Variants in IQSEC1 observed in about 807,000 individuals in gnomAD.
The protein encoded by IQSEC1 is IQ motif and Sec7 domain ArfGEF 1, also known as IQ motif and SEC7 domain-containing protein 1.
IQSEC1 carries 31 observed loss-of-function variants against 91.0 expected under a neutral mutation model. That is an observed-to-expected ratio of 0.34 (90% CI 0.26 to 0.46). The LOEUF is 0.46. IQSEC1 is among the 20% of genes least tolerant of loss of function. The probability of loss-of-function intolerance (pLI) is 1.00; values close to 1 mark genes in which losing one functional copy is unlikely to be tolerated. For missense variants in IQSEC1, 1,388 were observed against 1,575.6 expected (o/e 0.88, Z 2.02); for synonymous variants, 699 against 662.6 (o/e 1.05, Z -0.84).
rs1450540217 is a variant in IQSEC1 at position 12,994,179 on chromosome 3, G to A, written c.24-52314C>T. On this transcript the variant is annotated intron_variant, in intron 1 of 13. Coordinates refer to ENST00000613206, the MANE Select transcript of IQSEC1 (RefSeq NM_001134382.3). The surrounding 1 kb of genome is among the most constrained non-coding windows in gnomAD (Gnocchi z 4.5). ...CGGGCGCGGGGGGGCGGGGGCGGGC[G>A]CTCGGGAGCCGGAGCCGGAGCCCGA... Among the ~76,000 whole-genome samples the A allele has an allele frequency of 6.8e-6, 1 of 146,618 alleles. No homozygotes were observed. The highest frequency in any genetic ancestry group is 1.5e-5 in the Non-Finnish European group (1 of 65,964).
rs547708715 is a variant in IQSEC1 at position 13,260,383 on chromosome 3, A to G, written c.272+22328T>C. Among the ~76,000 whole-genome samples, 20 of 152,306 alleles carry G rather than the reference A, an allele frequency of 1.3e-4. 2 individuals carry two copies. In the East Asian group the frequency reaches 3.5e-3, roughly 26 times the overall value. ...TGCAGTGATGCAGAAACGCAGATCA[A>G]TACACGACGGGCTGATGTGCAACAC... On this transcript the variant is annotated intron_variant, in intron 1 of 15. Transcript: ENST00000648114.
intron 1 of IQSEC1, among the ~76,000 whole-genome samples, chr3:13,004,194 A>G (rs982436048): frequency 6.6e-6 from 1 of 152,206 alleles, no homozygotes; most frequent in Non-Finnish European, 1.5e-5. Flanking sequence ...CCTGCTCATC[A>G]TGTCTGTTGC....
rs917715017 is a variant in IQSEC1 at position 13,120,465 on chromosome 3, A to T, written c.302+43639T>A. 6.6e-5 allele frequency among the ~76,000 whole-genome samples: 10 copies of T among 152,300 alleles called. No homozygotes were observed. The South Asian group carries it at 2.1e-3, about 32-fold the overall frequency. On this transcript the variant is annotated intron_variant, in intron 2 of 15. Transcript: ENST00000648114. ...TGCTGCCCGCAAGCTGTGTGCCCTCAGTCAGGAAAGTAACCTCTCTGGGCT... is the reference window on the plus strand; with the variant it reads ...TGCTGCCCGCAAGCTGTGTGCCCTCTGTCAGGAAAGTAACCTCTCTGGGCT...
intron 1 of IQSEC1, among the ~76,000 whole-genome samples, chr3:13,188,786 T>G (rs1474455477): frequency 2.0e-5 from 3 of 152,122 alleles, no homozygotes; most frequent in Admixed American, 6.5e-5. Context: ...AAAAGCCAAC[T>G]AGAGGGAAGC....
chr3:13,020,286 A>G (rs1300172222), intron 1 of IQSEC1, among the ~76,000 whole-genome samples: 2 of 152,058 alleles, frequency 1.3e-5, no homozygotes, highest in Non-Finnish European at 2.9e-5. Flanking sequence ...GCAGCCGCTG[A>G]CTCACTCCAG....
chr3:13,023,718 C>T (rs1319106184), intron 1 of IQSEC1, among the ~76,000 whole-genome samples: 1 of 152,200 alleles, frequency 6.6e-6, no homozygotes, highest in African/African-American at 2.4e-5. Context: ...GCTTCTCCAT[C>T]CCCTGAGCCA....
intron 1 of IQSEC1, among the ~76,000 whole-genome samples, chr3:13,186,498 A>G (rs1056604055): frequency 1.3e-5 from 2 of 152,174 alleles, no homozygotes; most frequent in African/African-American, 4.8e-5. Flanking sequence ...CTGGTATTTT[A>G]AAGATTTGCC....
chr3:13,220,522 G>T (rs977826257), intron 1 of IQSEC1, among the ~76,000 whole-genome samples: 3 of 152,216 alleles, frequency 2.0e-5, no homozygotes, highest in Non-Finnish European at 2.9e-5. Flanking sequence ...CAAAGGCAAG[G>T]CTTCTGAGTC....
chr3:13,082,365 T>A (rs1464875706), intron 2 of IQSEC1, among the ~76,000 whole-genome samples: 1 of 152,230 alleles, frequency 6.6e-6, no homozygotes, highest in African/African-American at 2.4e-5. Context: ...GTTAAGCTTC[T>A]TCTGCAGTTC....
intron 2 of IQSEC1, among the ~76,000 whole-genome samples, chr3:13,100,423 C>T (rs1706036661): frequency 6.7e-6 from 1 of 148,812 alleles, no homozygotes; most frequent in Non-Finnish European, 1.5e-5. Flanking sequence ...AAGTTACTCT[C>T]TCTGCTGGGG....
intron 1 of IQSEC1, chr3:13,042,453 G>T (rs1472413923): frequency 6.6e-6 from 1 of 152,318 alleles, no homozygotes; most frequent in Non-Finnish European, 1.5e-5. Context: ...CGGCTGCTTC[G>T]GCCCGCCCTG....
rs58162524 is a variant in IQSEC1, at chr3:13,130,341, C to CAA, written c.302+33761_302+33762dup. Among the ~76,000 whole-genome samples, 279 of 61,810 alleles carry CAA rather than the reference C, an allele frequency of 4.5e-3. 1 individual carries two copies. Among genetic ancestry groups the CAA allele is most frequent in the South Asian group, 0.036 (55 of 1,510 alleles). 40.5% of individuals were successfully genotyped at this position (61,810 alleles called of 152,430 possible). A position where few individuals can be genotyped will look rare whatever the true frequency, so the allele number is the denominator to read the frequency against. ...CCTGGGCGACAGAACGAGACTCTGT[C>CAA]AAAAAAAAAAAAAAAAAAAAAGAAA... On this transcript the variant is annotated intron_variant, in intron 2 of 15. Transcript: ENST00000648114.
chr3:12,920,636 CA>C, intron 5 of IQSEC1, 40 bp from the exon 6 acceptor site: 1 of 1,599,748 alleles, frequency 6.3e-7, no homozygotes. Flanking sequence ...CATGGCGCAG[CA>C]AGTGACACGG....
chr3:12,915,239 G>A lies in IQSEC1; in HGVS notation c.2161-106C>T, dbSNP rs1195354854. On this transcript the variant is annotated intron_variant, in intron 7 of 13. Transcript: ENST00000613206. The stretch of plus-strand genomic sequence containing the variant: ...TACACCTACCCTTGGGATCCACCCA[G>A]CCAGTATGTGGGGTACCCACTCTCT... 3 of 1,249,878 alleles carry A rather than the reference G, an allele frequency of 2.4e-6. No individual in the cohort carries two copies. In the East Asian group the frequency reaches 7.6e-5, roughly 32 times the overall value. 77.4% of individuals were successfully genotyped at this position (1,249,878 alleles called of 1,614,324 possible).
At chr3:13,268,018 G>C (rs946931715) in intron 1 of IQSEC1, among the ~76,000 whole-genome samples, 1 of 152,216 alleles carries the variant, frequency 6.6e-6, no homozygotes, top group Non-Finnish European at 1.5e-5. Context: ...CATTTGGGGG[G>C]ATGGAAAAGA....
intron 1 of IQSEC1, among the ~76,000 whole-genome samples, chr3:12,959,994 C>A (rs573266034): frequency 1.3e-5 from 2 of 152,136 alleles, no homozygotes; most frequent in African/African-American, 2.4e-5. Context: ...AGAGAATTCA[C>A]GTTCCTGCGA....
At chr3:13,035,958 C>T (rs957463449) in intron 1 of IQSEC1, among the ~76,000 whole-genome samples, 2 of 152,164 alleles carry the variant, frequency 1.3e-5, no homozygotes, top group Non-Finnish European at 2.9e-5. Context: ...CCAGCCCTGG[C>T]TAAGGTCTCA....
At position 12,970,359 on chromosome 3, in the gene IQSEC1, C is replaced by T. The variant is rs559132253; in HGVS notation, c.24-28494G>A. ...CACAGGATGTAAAAAGTCATGGAGA[C>T]GTTTAGTTCCACTGTATCACCCCAT... On this transcript the variant is annotated intron_variant, in intron 1 of 13. Transcript: ENST00000613206. This position sits in a 1 kb window ranked among gnomAD's most constrained non-coding sequence, Gnocchi z 4.4. Among the ~76,000 whole-genome samples the T allele has an allele frequency of 4.3e-4, 65 of 152,282 alleles. 1 individual carries two copies. Among genetic ancestry groups the T allele is most frequent in the East Asian group, 9.6e-4 (5 of 5,182 alleles).
intron 1 of IQSEC1, chr3:13,047,585 G>C: frequency 2.3e-6 from 2 of 887,488 alleles, no homozygotes; most frequent in Non-Finnish European, 2.7e-6. Context: ...ACCCCTTGGG[G>C]GCCATGTCCA....
Sources: gnomAD v4.1 joint callset for allele counts (sites outside exome capture counted in the v4.1 genomes callset) on GRCh38, gnomAD v4.1.1 for gene constraint, Gnocchi (gnomAD v3.1) non-coding constraint, MANE v1.5 for transcripts, NCBI Gene and HGNC (gene_info 2026-07-23, HGNC 2026-07-21) for gene names.